RPRD1A: variants seen among roughly 807,000 people sequenced by gnomAD.
The protein encoded by RPRD1A is regulation of nuclear pre-mRNA domain-containing protein 1A.
RPRD1A carries 9 observed loss-of-function variants against 37.8 expected under a neutral mutation model. That is an observed-to-expected ratio of 0.24 (90% CI 0.14 to 0.42). RPRD1A has a LOEUF of 0.42. Among genes scored for constraint, RPRD1A ranks in the 10% least tolerant of loss-of-function variants. RPRD1A has a pLI of 1.00. For missense variants in RPRD1A, 255 were observed against 371.0 expected (o/e 0.69, Z 2.57); for synonymous variants, 138 against 139.7 (o/e 0.99, Z 0.08).
At chr18:36,056,489 T>C (rs1272953541) in intron 1 of RPRD1A, among the ~76,000 whole-genome samples, 3 of 152,140 alleles carry the variant, frequency 2.0e-5, no homozygotes, top group Non-Finnish European at 4.4e-5. Flanking sequence ...AGTTTCACCA[T>C]GTTGGCTAGG....
chr18:36,007,453 G>A (rs1909814869), intron 6 of RPRD1A, among the ~76,000 whole-genome samples: 1 of 152,216 alleles, frequency 6.6e-6, no homozygotes, highest in African/African-American at 2.4e-5. Context: ...TTCTGATTCA[G>A]AATTGGAATT....
In RPRD1A at chr18:36,067,244, G is replaced by A. The variant is rs1054879360; in HGVS notation, c.151+10C>T. The A allele has an allele frequency of 9.5e-6, 15 of 1,575,650 alleles. No homozygotes were observed. Among genetic ancestry groups the A allele is most frequent in the Non-Finnish European group, 1.3e-5 (15 of 1,160,862 alleles). On this transcript the variant is annotated intron_variant, in intron 1 of 6. Transcript: ENST00000399022. ...TGGTGGGAAGCGGCCGACATAAGCG[G>A]TTGACTCACCTTTCCGCAGCTCCCG...
chr18:36,044,190 C>G (rs1912794810), intron 1 of RPRD1A, among the ~76,000 whole-genome samples: 1 of 151,908 alleles, frequency 6.6e-6, no homozygotes, highest in East Asian at 1.9e-4. Flanking sequence ...TCAGGAGTGT[C>G]AAAGGCAGAA....
At chr18:35,999,841 T>C (rs942847796) in intron 6 of RPRD1A, among the ~76,000 whole-genome samples, 1 of 152,234 alleles carries the variant, frequency 6.6e-6, no homozygotes, top group Admixed American at 6.5e-5. Context: ...TTATCTGTAG[T>C]ATAATGTCCT....
intron 1 of RPRD1A, chr18:36,040,779 T>C (rs893946602): frequency 1.1e-4 from 159 of 1,387,940 alleles, no homozygotes; most frequent in African/African-American, 1.6e-4. Context: ...GGTACTTACA[T>C]AGAAGAAAAG....
At chr18:36,019,429 A>G (rs1337980498) in intron 6 of RPRD1A, among the ~76,000 whole-genome samples, 1 of 151,990 alleles carries the variant, frequency 6.6e-6, no homozygotes, top group Admixed American at 6.6e-5. Flanking sequence ...TCTAAAGAGG[A>G]GTGTGATGGG....
intron 6 of RPRD1A, among the ~76,000 whole-genome samples, chr18:36,005,474 T>C (rs921141653): frequency 1.3e-5 from 2 of 152,196 alleles, no homozygotes; most frequent in African/African-American, 4.8e-5. Flanking sequence ...AATAATTATG[T>C]ATTGGTTTTA....
At chr18:36,066,225 A>G (rs780554488) in intron 1 of RPRD1A, among the ~76,000 whole-genome samples, 1 of 152,222 alleles carries the variant, frequency 6.6e-6, no homozygotes, top group Non-Finnish European at 1.5e-5. Context: ...CACAAACAAT[A>G]TACAAGGACA....
chr18:36,052,310 C>T (rs1186009906), intron 1 of RPRD1A, among the ~76,000 whole-genome samples: 2 of 151,606 alleles, frequency 1.3e-5, no homozygotes, highest in Non-Finnish European at 2.9e-5. Flanking sequence ...GACAGTCCTT[C>T]AGGATGAAAT....
In RPRD1A at chr18:36,027,212, T is replaced by C. The variant is rs757832415; in HGVS notation, c.585A>G (p.Gln195=). ...QRIASLPVEV[Q]EVSLLDKITD... Reference sequence around the variant, plus strand: ...TTATTTTATCTAATAGAGATACTTCTTGGACTTCAACAGGTAAAGAAGCTA... The same window carrying C: ...TTATTTTATCTAATAGAGATACTTCCTGGACTTCAACAGGTAAAGAAGCTA... The change falls in exon 5 of 7, where the codon CAA becomes CAG. Residue 195 remains glutamine (Q), a synonymous_variant. Transcript: ENST00000399022. 13 of 1,613,884 alleles carry C rather than the reference T, an allele frequency of 8.1e-6. No homozygotes were observed. Among genetic ancestry groups the C allele is most frequent in the South Asian group, 4.4e-5 (4 of 91,070 alleles).
At chr18:36,060,111 T>C (rs1173858183) in intron 1 of RPRD1A, among the ~76,000 whole-genome samples, 1 of 152,206 alleles carries the variant, frequency 6.6e-6, no homozygotes, top group African/African-American at 2.4e-5. Context: ...AGGATTTATA[T>C]TGCTATATAT....
At chr18:36,033,385 AAC>A (rs1201805530) in intron 2 of RPRD1A, among the ~76,000 whole-genome samples, 2 of 152,098 alleles carry the variant, frequency 1.3e-5, no homozygotes, top group East Asian at 3.9e-4. Context: ...TAGCTTTATA[AAC>A]ACACAAATTT....
intron 1 of RPRD1A, among the ~76,000 whole-genome samples, chr18:36,043,199 G>T (rs116343241): frequency 7.1e-6 from 1 of 140,488 alleles, no homozygotes; most frequent in African/African-American, 2.6e-5. Flanking sequence ...GAAGAATCGG[G>T]GGGGGGGGAA....
chr18:36,046,799 C>T (rs2144358990), intron 1 of RPRD1A, among the ~76,000 whole-genome samples: 1 of 150,864 alleles, frequency 6.6e-6, no homozygotes, highest in South Asian at 2.1e-4. Flanking sequence ...GGTGCCACCG[C>T]ACTTCAGCCT....
chr18:36,003,956 A>C (rs1909577826), intron 6 of RPRD1A, among the ~76,000 whole-genome samples: 2 of 144,804 alleles, frequency 1.4e-5, no homozygotes, highest in South Asian at 2.2e-4. Flanking sequence ...GCACCACCAC[A>C]CCACACTTGG....
intron 1 of RPRD1A, among the ~76,000 whole-genome samples, chr18:36,039,365 C>T (rs918167988): frequency 7.2e-5 from 11 of 152,290 alleles, no homozygotes; most frequent in African/African-American, 2.6e-4. Context: ...GCACATCCCC[C>T]AGAAGGGGCA....
At chr18:36,062,902 T>A (rs565081121) in intron 1 of RPRD1A, 31 of 152,282 alleles carry the variant, frequency 2.0e-4, no homozygotes, top group African/African-American at 6.5e-4. Context: ...AACCACTGAA[T>A]AGTATACTTT....
intron 1 of RPRD1A, among the ~76,000 whole-genome samples, chr18:36,061,140 C>T (rs944357583): frequency 1.2e-4 from 19 of 152,246 alleles, no homozygotes; most frequent in Non-Finnish European, 2.8e-4. Context: ...TTTTATTAAA[C>T]GTCACCTTGC....
At chr18:36,017,430 A>G (rs139522730) in intron 6 of RPRD1A, among the ~76,000 whole-genome samples, 20 of 152,206 alleles carry the variant, frequency 1.3e-4, no homozygotes, top group Non-Finnish European at 2.1e-4. Context: ...AATCCACTCA[A>G]CAACTATAAC....
Sources: allele counts gnomAD v4.1 joint callset (sites outside exome capture counted in the v4.1 genomes callset), GRCh38; gene constraint gnomAD v4.1.1; transcripts MANE v1.5; gene names NCBI Gene and HGNC (gene_info 2026-07-23, HGNC 2026-07-21).